Variants in PDE10A observed in about 807,000 individuals in gnomAD.
PDE10A encodes phosphodiesterase 10A.
PDE10A carries 39 observed loss-of-function variants against 97.7 expected under a neutral mutation model. The observed-to-expected ratio is 0.40, with a 90% CI of 0.31 to 0.52. PDE10A has a LOEUF of 0.52. Among genes scored for constraint, PDE10A ranks in the 20% least tolerant of loss-of-function variants. The pLI is 0.56. For synonymous variants in PDE10A, 371 were observed against 376.8 expected (o/e 0.98, Z 0.18); for missense variants, 731 against 1,047.8 (o/e 0.70, Z 4.17).
At chr6:165,772,609 GCCCTT>G (rs1487458773) in intron 1 of PDE10A, among the ~76,000 whole-genome samples, 1 of 152,144 alleles carries the variant, frequency 6.6e-6, no homozygotes, top group East Asian at 1.9e-4. Flanking sequence ...GACCTCCGGG[GCCCTT>G]CCGAACTCTA....
intron 1 of PDE10A, among the ~76,000 whole-genome samples, chr6:165,709,012 A>C (rs1377141403): frequency 1.5e-4 from 1 of 6,578 alleles, no homozygotes; most frequent in Non-Finnish European, 2.6e-4. Context: ...CTCACCCCCC[A>C]CTCTCCACCC....
intron 1 of PDE10A, among the ~76,000 whole-genome samples, chr6:165,619,369 GTGGTGTAGTGTAGTCTAGTA>G (rs1787938319): frequency 1.9e-5 from 2 of 104,720 alleles, no homozygotes; most frequent in East Asian, 2.4e-4. Context: ...CTAGTGTAGT[GTGGTGTAGTGTAGTCTAGTA>G]TAGTGTAGTG....
At chr6:165,948,431 A>G (rs764615373) in intron 1 of PDE10A, 2 of 152,350 alleles carry the variant, frequency 1.3e-5, no homozygotes, top group Non-Finnish European at 2.9e-5. Flanking sequence ...TGGAGGCAGA[A>G]CTAAGTCAGA....
At chr6:165,872,131 AAAC>A (rs1196263524) in intron 1 of PDE10A, among the ~76,000 whole-genome samples, 1 of 152,226 alleles carries the variant, frequency 6.6e-6, no homozygotes, top group Non-Finnish European at 1.5e-5. Flanking sequence ...TGCCTTTATG[AAAC>A]AACTTAGTAC....
At chr6:165,665,325 C>T (rs1021444314), upstream of PDE10A, among the ~76,000 whole-genome samples, 3 of 152,210 alleles carry the variant, frequency 2.0e-5, no homozygotes, top group Non-Finnish European at 4.4e-5. Context: ...GTCACTCACC[C>T]GTGCTCAGGT....
At chr6:165,587,349 A>G (rs1035944450) in intron 1 of PDE10A, among the ~76,000 whole-genome samples, 1 of 152,228 alleles carries the variant, frequency 6.6e-6, no homozygotes, top group Non-Finnish European at 1.5e-5. Flanking sequence ...ACCAAAACCC[A>G]GCTCTTGAAT....
At chr6:165,339,446 T>C in intron 19 of PDE10A, 88 bp from the exon 20 acceptor site, 2 of 837,622 alleles carry the variant, frequency 2.4e-6, no homozygotes, top group East Asian at 4.9e-5. Context: ...CTTTATTCCT[T>C]AATTTTCTTC....
At chr6:165,385,483 G>T (rs1340798119) in intron 17 of PDE10A, among the ~76,000 whole-genome samples, 1 of 152,202 alleles carries the variant, frequency 6.6e-6, no homozygotes, top group Non-Finnish European at 1.5e-5. Context: ...CATAAGGGCA[G>T]AAGTCAGGGG....
chr6:165,880,627 T>C (rs915666829), intron 1 of PDE10A, among the ~76,000 whole-genome samples: 5 of 152,240 alleles, frequency 3.3e-5, no homozygotes, highest in Non-Finnish European at 7.3e-5. Flanking sequence ...CCTTTAAATG[T>C]TCATCTACTC....
chr6:165,869,394 G>A (rs1781139837), intron 1 of PDE10A, among the ~76,000 whole-genome samples: 2 of 151,602 alleles, frequency 1.3e-5, no homozygotes, highest in African/African-American at 2.4e-5. Context: ...AATCAAGGAA[G>A]TAAAAGACAT....
chr6:165,457,650 A>G (rs1778038870), intron 3 of PDE10A, among the ~76,000 whole-genome samples: 1 of 152,026 alleles, frequency 6.6e-6, no homozygotes, highest in Non-Finnish European at 1.5e-5. Flanking sequence ...ATCCTGAGTT[A>G]CTCTTGTACA....
chr6:165,968,244 A>T (rs1583368485), intron 1 of PDE10A, among the ~76,000 whole-genome samples: 1 of 152,228 alleles, frequency 6.6e-6, no homozygotes, highest in Non-Finnish European at 1.5e-5. Context: ...TGCAGGATTC[A>T]CCAGCATGCC....
intron 12 of PDE10A, among the ~76,000 whole-genome samples, chr6:165,414,271 G>C (rs1468959826): frequency 3.3e-5 from 5 of 152,150 alleles, no homozygotes; most frequent in African/African-American, 1.2e-4. Flanking sequence ...CTTGTGACAA[G>C]GACATTAGTG....
chr6:165,422,972 T>C (rs1788829805), intron 10 of PDE10A, among the ~76,000 whole-genome samples: 1 of 152,182 alleles, frequency 6.6e-6, no homozygotes. Flanking sequence ...CTTCATTTAT[T>C]ATCTTGTTGG....
At chr6:165,932,015 C>G (rs527985436) in intron 1 of PDE10A, among the ~76,000 whole-genome samples, 1 of 152,294 alleles carries the variant, frequency 6.6e-6, no homozygotes, top group East Asian at 1.9e-4. Context: ...AGGCACAGCA[C>G]AGCCTTGGCA....
intron 1 of PDE10A, among the ~76,000 whole-genome samples, chr6:165,747,647 C>A (rs965573608): frequency 4.6e-5 from 7 of 151,888 alleles, no homozygotes; most frequent in Non-Finnish European, 7.4e-5. Flanking sequence ...AAAAGGGAGC[C>A]ATCCGCACCT....
Position 165,696,430 on chromosome 6 carries a change from T to C in PDE10A, c.-614-152862A>G, listed in dbSNP as rs562984648. 3.3e-5 allele frequency among the ~76,000 whole-genome samples: 5 copies of C among 152,322 alleles called. No homozygotes were observed. In the South Asian group the frequency reaches 1.0e-3, roughly 32 times the overall value. ...ATGTGAATCACCCCTTTGTCCAGCA[T>C]ATCGATGGACACTACCTGCCCATTA... On this transcript the variant is annotated intron_variant, in intron 1 of 19. Transcript: ENST00000366882.
Position 165,671,169 on chromosome 6 carries a change from A to G in PDE10A, c.-614-127601T>C, listed in dbSNP as rs2128436368. ...TTTTTTTAAGAATCAACAACAAATG[A>G]TGCTTGCTACAAATTCCCAAAGTCT... On this transcript the variant is annotated intron_variant, in intron 1 of 19. Transcript: ENST00000366882. The surrounding 1 kb of genome is among the most constrained non-coding windows in gnomAD (Gnocchi z 4.6). 6.6e-6 allele frequency among the ~76,000 whole-genome samples: 1 copy of G among 151,994 alleles called. No individual in the cohort carries two copies.
chr6:165,916,089 C>T (rs1008355064), intron 1 of PDE10A, among the ~76,000 whole-genome samples: 19 of 152,268 alleles, frequency 1.2e-4, no homozygotes, highest in Admixed American at 5.2e-4. Context: ...ACAAAGTGGC[C>T]GTGTTAACAT....
Sources: allele counts gnomAD v4.1 joint callset (sites outside exome capture counted in the v4.1 genomes callset), GRCh38; gene constraint gnomAD v4.1.1; non-coding constraint Gnocchi (gnomAD v3.1); transcripts MANE v1.5; gene names NCBI Gene and HGNC (gene_info 2026-07-23, HGNC 2026-07-21).